TMEM181: variants seen among roughly 807,000 people sequenced by gnomAD.
The protein encoded by TMEM181 is G protein-coupled receptor 178.
TMEM181 carries 39 observed loss-of-function variants against 71.9 expected under a neutral mutation model. That is an observed-to-expected ratio of 0.54 (90% CI 0.42 to 0.71). The LOEUF (loss-of-function observed/expected upper bound fraction) is 0.71. Ranked by LOEUF, TMEM181 falls within the 30% of genes least tolerant of loss-of-function variation. TMEM181 has a pLI of 0.00. For missense variants in TMEM181, 595 were observed against 583.0 expected (o/e 1.02, Z -0.21); for synonymous variants, 245 against 228.8 (o/e 1.07, Z -0.64).
In TMEM181 at chr6:158,614,679, C is replaced by G. The variant is rs1583037889; in HGVS notation, c.896+5929C>G. The stretch of plus-strand genomic sequence containing the variant: ...AGGCCCTGTTGTGTGATGTTCCCCA[C>G]CCTGTGTCCAAGTGTTCTCATTGTT... On this transcript the variant is annotated intron_variant, in intron 10 of 16. Transcript: ENST00000684151. 3.3e-5 allele frequency among the ~76,000 whole-genome samples: 5 copies of G among 152,210 alleles called. No individual in the cohort carries two copies. In the South Asian group the frequency reaches 1.0e-3, roughly 32 times the overall value.
chr6:158,584,029 T>G lies in TMEM181; in HGVS notation c.244T>G (p.Leu82Val). 6.2e-7 allele frequency: 1 copy of G among 1,611,316 alleles called. No individual in the cohort carries two copies. The highest frequency in any genetic ancestry group is 8.5e-7 in the Non-Finnish European group (1 of 1,178,510). Residue 82 changes from leucine to valine, a missense_variant, in exon 4 of 17, where the codon TTG (leucine) becomes GTG (valine). By Grantham distance (32) the Leu-to-Val change is conservative (BLOSUM62 1). Coordinates refer to ENST00000684151, the MANE Select transcript of TMEM181 (RefSeq NM_001376852.1). The part of the protein sequence containing the change: ...QQLWLTCVVE[L>V]DQSKETSIKT... ...ACTATGGCTGACATGTGTTGTTGAG[T>G]TGGATCAATCAAAAGGTATGGAGCT...
At chr6:158,577,241 A>T (rs1346331926) in intron 2 of TMEM181, among the ~76,000 whole-genome samples, 2 of 152,196 alleles carry the variant, frequency 1.3e-5, no homozygotes, top group African/African-American at 4.8e-5. Context: ...ACATGGAGAC[A>T]GTCAAGAAAA....
At chr6:158,542,700 G>A (rs1239817716) in intron 1 of TMEM181, among the ~76,000 whole-genome samples, 3 of 152,076 alleles carry the variant, frequency 2.0e-5, no homozygotes, top group African/African-American at 4.8e-5. Flanking sequence ...CACCTCCTGG[G>A]TTCAAGCAAT....
intron 11 of TMEM181, 25 bp from the exon 12 acceptor site, chr6:158,625,079 C>G: frequency 1.3e-6 from 2 of 1,588,122 alleles, no homozygotes; most frequent in Non-Finnish European, 1.7e-6. Flanking sequence ...TGTTCCGACT[C>G]AAGTGCTGCC....
chr6:158,579,219 A>G (rs984666282), intron 2 of TMEM181, among the ~76,000 whole-genome samples: 5 of 150,798 alleles, frequency 3.3e-5, no homozygotes, highest in African/African-American at 1.2e-4. Context: ...AGATCACGCT[A>G]TTGTACTCCA....
intron 1 of TMEM181, among the ~76,000 whole-genome samples, chr6:158,562,273 C>T (rs563269620): frequency 4.6e-5 from 7 of 152,298 alleles, no homozygotes; most frequent in Admixed American, 1.3e-4. Flanking sequence ...CATTCCTTCT[C>T]TGATGATGCT....
chr6:158,564,282 A>G (rs1332179989), intron 1 of TMEM181, among the ~76,000 whole-genome samples: 1 of 152,190 alleles, frequency 6.6e-6, no homozygotes, highest in Non-Finnish European at 1.5e-5. Flanking sequence ...CGACCTCCAC[A>G]TTCTGGGTGT....
chr6:158,561,525 C>T (rs1418423532), intron 1 of TMEM181, among the ~76,000 whole-genome samples: 2 of 152,114 alleles, frequency 1.3e-5, no homozygotes, highest in Admixed American at 6.5e-5. Flanking sequence ...CACGCGCTGC[C>T]CCTTGGAGCT....
chr6:158,541,139 G>T (rs1309281072), intron 1 of TMEM181, among the ~76,000 whole-genome samples: 1 of 152,050 alleles, frequency 6.6e-6, no homozygotes, highest in African/African-American at 2.4e-5. Flanking sequence ...GAGCAGGCCG[G>T]GTGTGGTGGC....
intron 10 of TMEM181, chr6:158,610,078 C>G (rs957344263): frequency 4.5e-6 from 1 of 219,868 alleles, no homozygotes; most frequent in Admixed American, 4.1e-5. Flanking sequence ...CCAGCAGATC[C>G]TCGTCAGCTT....
intron 2 of TMEM181, among the ~76,000 whole-genome samples, chr6:158,574,206 C>T (rs1376419468): frequency 1.3e-5 from 2 of 152,158 alleles, no homozygotes; most frequent in African/African-American, 2.4e-5. Context: ...TGACTTAATA[C>T]TAAAGTGTGA....
At position 158,632,342 on chromosome 6, in the gene TMEM181, C is replaced by T. The variant is rs558805951; in HGVS notation, c.*454C>T. ...CTTTAAACTCAAAGGGAAGCCTTAT[C>T]TGTGGCTGCTTCAGGGCAGTCCTTC... On this transcript the variant is annotated 3_prime_UTR_variant, in exon 17 of 17. Transcript: ENST00000684151. 5.6e-6 allele frequency: 1 copy of T among 179,528 alleles called. No homozygotes were observed. 11.1% of individuals were successfully genotyped at this position (179,528 alleles called of 1,614,324 possible). A position where few individuals can be genotyped will look rare whatever the true frequency, so the allele number is the denominator to read the frequency against.
At chr6:158,608,518 C>A in intron 9 of TMEM181, 55 bp downstream of exon 9, 4 of 1,612,976 alleles carry the variant, frequency 2.5e-6, no homozygotes, top group Non-Finnish European at 3.4e-6. Context: ...GTCCTCCCTC[C>A]CGAACTCTGA....
intron 6 of TMEM181, among the ~76,000 whole-genome samples, chr6:158,592,328 A>G (rs780881829): frequency 6.6e-6 from 1 of 152,216 alleles, no homozygotes. Flanking sequence ...TCAAGAATGA[A>G]TGTCTTTTTT....
chr6:158,601,754 C>G (rs1784680164), intron 6 of TMEM181, among the ~76,000 whole-genome samples: 1 of 142,874 alleles, frequency 7.0e-6, no homozygotes, highest in Admixed American at 7.0e-5. Context: ...GCAAGACTGT[C>G]TCAGAAAAAA....
chr6:158,622,837 A>G (rs1237436697), intron 10 of TMEM181, among the ~76,000 whole-genome samples: 1 of 152,132 alleles, frequency 6.6e-6, no homozygotes, highest in African/African-American at 2.4e-5. Context: ...TGTAGGAGTG[A>G]ATCTTGGGTG....
chr6:158,541,398 C>G (rs1781336762), intron 1 of TMEM181, among the ~76,000 whole-genome samples: 1 of 151,620 alleles, frequency 6.6e-6, no homozygotes, highest in Admixed American at 6.6e-5. Context: ...GCCTGGGCGA[C>G]AAGAGCGAGA....
intron 1 of TMEM181, among the ~76,000 whole-genome samples, 159 bp downstream of exon 1, chr6:158,560,391 C>T (rs1450380585): frequency 6.6e-6 from 1 of 152,132 alleles, no homozygotes; most frequent in Non-Finnish European, 1.5e-5. Flanking sequence ...GCGGGCGGGT[C>T]AGGCGGAGGT....
chr6:158,605,791 C>G (rs1784916990), intron 7 of TMEM181, among the ~76,000 whole-genome samples: 1 of 152,058 alleles, frequency 6.6e-6, no homozygotes. Context: ...AGGCATTGGG[C>G]TCGTTTGGGA....
Sources: gnomAD v4.1 joint callset for allele counts (sites outside exome capture counted in the v4.1 genomes callset) on GRCh38, gnomAD v4.1.1 for gene constraint, MANE v1.5 for transcripts, NCBI Gene and HGNC (gene_info 2026-07-23, HGNC 2026-07-21) for gene names.